Variants in STPG2 observed in about 807,000 individuals in gnomAD.
STPG2 encodes sperm tail PG-rich repeat containing 2, also known as sperm-tail PG-rich repeat-containing protein 2.
Under a neutral mutation model 54.2 loss-of-function variants are expected in STPG2, and 56 were observed. The observed-to-expected ratio is 1.03, with a 90% CI of 0.83 to 1.29. The LOEUF is 1.29. Among genes scored for constraint, STPG2 ranks in the 50% most tolerant of loss-of-function variants. The probability of loss-of-function intolerance (pLI) is 0.00; values close to 1 mark genes in which losing one functional copy is unlikely to be tolerated. For synonymous variants in STPG2, 200 were observed against 181.8 expected (o/e 1.10, Z -0.81); for missense variants, 596 against 544.9 (o/e 1.09, Z -0.93).
chr4:97,859,477 T>A (rs1478399732), intron 8 of STPG2, among the ~76,000 whole-genome samples: 1 of 150,436 alleles, frequency 6.6e-6, no homozygotes, highest in Non-Finnish European at 1.5e-5. Context: ...TTTTTTTTTT[T>A]TTTTGAGATG....
chr4:98,118,108 T>A (rs1739574250), intron 3 of STPG2, among the ~76,000 whole-genome samples: 1 of 152,190 alleles, frequency 6.6e-6, no homozygotes, highest in Admixed American at 6.6e-5. Flanking sequence ...CTAAACTCTG[T>A]ATTCTTTGTA....
At chr4:97,638,981 C>T (rs956796079) in intron 10 of STPG2, among the ~76,000 whole-genome samples, 1 of 151,574 alleles carries the variant, frequency 6.6e-6, no homozygotes, top group Non-Finnish European at 1.5e-5. Flanking sequence ...TTGACCCGGC[C>T]ATCCCATTAC....
intron 5 of STPG2, among the ~76,000 whole-genome samples, chr4:97,981,756 CA>C (rs574058039): frequency 4.0e-5 from 6 of 149,480 alleles, no homozygotes; most frequent in Middle Eastern, 3.6e-3. Context: ...TTAGATATCT[CA>C]AAAAAAATCT....
intron 9 of STPG2, among the ~76,000 whole-genome samples, chr4:97,734,668 G>A (rs924184574): frequency 1.3e-5 from 2 of 152,048 alleles, no homozygotes; most frequent in African/African-American, 4.8e-5. Flanking sequence ...CAAATGTGGT[G>A]CAGGAAAAAA....
chr4:98,127,845 C>A (rs1739872435), intron 3 of STPG2, among the ~76,000 whole-genome samples: 1 of 152,242 alleles, frequency 6.6e-6, no homozygotes, highest in South Asian at 2.1e-4. Flanking sequence ...TTTTAATAAT[C>A]ATTTCTGGAA....
intron 10 of STPG2, among the ~76,000 whole-genome samples, chr4:97,577,748 T>G (rs935938203): frequency 2.0e-5 from 3 of 152,132 alleles, no homozygotes; most frequent in Non-Finnish European, 4.4e-5. Flanking sequence ...TAAAAATAAA[T>G]AGTTCATCTT....
intron 8 of STPG2, among the ~76,000 whole-genome samples, chr4:97,848,718 G>T (rs1380051230): frequency 6.6e-6 from 1 of 151,838 alleles, no homozygotes; most frequent in East Asian, 1.9e-4. Flanking sequence ...TTCTACATAT[G>T]GCTAGCCAGT....
At chr4:97,533,422 A>G (rs973647529) in intron 4 of STPG2, among the ~76,000 whole-genome samples, 1 of 152,098 alleles carries the variant, frequency 6.6e-6, no homozygotes, top group Admixed American at 6.6e-5. Flanking sequence ...TTGTTTCTTA[A>G]TTCATTTTAT....
intron 8 of STPG2, among the ~76,000 whole-genome samples, chr4:97,857,248 T>C (rs1373810467): frequency 1.3e-5 from 2 of 152,188 alleles, no homozygotes; most frequent in African/African-American, 2.4e-5. Flanking sequence ...AGCTCTTCTT[T>C]GTAGCTCTGG....
intron 4 of STPG2, among the ~76,000 whole-genome samples, chr4:97,542,227 A>C (rs1392158898): frequency 1.3e-5 from 2 of 152,240 alleles, no homozygotes; most frequent in Non-Finnish European, 2.9e-5. Context: ...TCATCTGACA[A>C]AGGGCTAATA....
chr4:98,009,219 G>A (rs771126578), intron 5 of STPG2, among the ~76,000 whole-genome samples: 3 of 151,304 alleles, frequency 2.0e-5, no homozygotes, highest in African/African-American at 7.3e-5. Flanking sequence ...GGCGTTTATT[G>A]CTATAAACTT....
chr4:97,542,978 G>A (rs190303212), intron 4 of STPG2, among the ~76,000 whole-genome samples: 243 of 152,166 alleles, frequency 1.6e-3, no homozygotes, highest in African/African-American at 5.6e-3. Context: ...CTGTTGTGGG[G>A]TGGGGAGAAG....
At chr4:97,809,563 G>A (rs1466434371) in intron 9 of STPG2, among the ~76,000 whole-genome samples, 1 of 152,156 alleles carries the variant, frequency 6.6e-6, no homozygotes, top group Non-Finnish European at 1.5e-5. Flanking sequence ...ACGATTTGAT[G>A]TGCCTTGGCT....
In STPG2 at chr4:97,840,853, C is replaced by T. The variant is rs138328166; in HGVS notation, c.1124G>A (p.Arg375His). The T allele has an allele frequency of 6.8e-5, 109 of 1,611,894 alleles. No individual in the cohort carries two copies. In the Middle Eastern group the frequency reaches 1.8e-3, roughly 27 times the overall value. The change falls in exon 9 of 11, where the codon CGT becomes CAT. Residue 375 changes from arginine to histidine, a missense_variant. By Grantham distance (29) the Arg-to-His change is conservative. Transcript: ENST00000295268. ...SQVKHKYMPPRSLVAKRKHAS... is the reference protein window; with the variant it reads ...SQVKHKYMPPHSLVAKRKHAS... The stretch of plus-strand genomic sequence containing the variant: ...ATGTTTTCTTTTAGCCACTAAACTA[C>T]GAGGTGGCATATATTTATGCTTAAC...
At chr4:97,904,747 C>T (rs1018293829) in intron 8 of STPG2, among the ~76,000 whole-genome samples, 3 of 152,110 alleles carry the variant, frequency 2.0e-5, no homozygotes, top group African/African-American at 7.2e-5. Flanking sequence ...ATAATCAATA[C>T]AGAGAAGTGC....
At position 97,802,950 on chromosome 4, in the gene STPG2, C is replaced by G. The variant is rs143172508; in HGVS notation, c.1204+37823G>C. Among the ~76,000 whole-genome samples, 678 of 152,226 alleles carry G rather than the reference C, an allele frequency of 4.5e-3. 4 individuals are homozygous for G. Among genetic ancestry groups the G allele is most frequent in the African/African-American group, 0.015 (639 of 41,534 alleles). On this transcript the variant is annotated intron_variant, in intron 9 of 10. Transcript: ENST00000295268. ...GCAAAGCCACCTCTATTACAATGAA[C>G]TTAGTTATATATAACAGTGTCACTT...
At chr4:97,501,354 G>T (rs932501208) in intron 4 of STPG2, among the ~76,000 whole-genome samples, 5 of 151,552 alleles carry the variant, frequency 3.3e-5, no homozygotes, top group African/African-American at 1.2e-4. Context: ...TAAACATATC[G>T]CAATAGGAAG....
At chr4:97,774,621 G>T (rs1231396137) in intron 9 of STPG2, among the ~76,000 whole-genome samples, 9 of 151,986 alleles carry the variant, frequency 5.9e-5, no homozygotes, top group African/African-American at 1.7e-4. Context: ...GCTTTCTCTT[G>T]GTGGTACTTT....
intron 10 of STPG2, among the ~76,000 whole-genome samples, chr4:97,679,613 A>G (rs2148977453): frequency 6.6e-6 from 1 of 152,246 alleles, no homozygotes; most frequent in East Asian, 1.9e-4. Flanking sequence ...TTTGCTGTGC[A>G]GAAGCTCTTT....
Sources: allele counts gnomAD v4.1 joint callset (sites outside exome capture counted in the v4.1 genomes callset), GRCh38; gene constraint gnomAD v4.1.1; transcripts MANE v1.5; gene names NCBI Gene and HGNC (gene_info 2026-07-23, HGNC 2026-07-21).